Variants in ABL1 observed in about 807,000 individuals in gnomAD.
The protein encoded by ABL1 is tyrosine-protein kinase ABL1.
In ABL1, 11 loss-of-function variants were observed where a neutral mutation model predicts 94.7. The observed-to-expected ratio is 0.12, with a 90% CI of 0.07 to 0.19. The LOEUF is 0.19. ABL1 is among the 10% of genes least tolerant of loss of function. ABL1 has a pLI of 1.00. For synonymous variants in ABL1, 656 were observed against 622.4 expected, an observed-to-expected ratio of 1.05 and a Z score of -0.80; for missense variants, 1,082 against 1,489.4, an observed-to-expected ratio of 0.73 and a Z score of 4.50.
chr9:130,750,463 T>C (rs1831948920), intron 1 of ABL1, among the ~76,000 whole-genome samples: 1 of 118,244 alleles, frequency 8.5e-6, no homozygotes. Flanking sequence ...CTCACTCCCT[T>C]TCTTTTTTGA....
At chr9:130,883,941 G>A (rs775256622) in intron 10 of ABL1, 28 bp from the exon 11 acceptor site, 46 of 1,584,214 alleles carry the variant, frequency 2.9e-5, no homozygotes, top group Non-Finnish European at 3.9e-5. Flanking sequence ...GTTGTCTGGA[G>A]TTGTCAGCTC....
intron 1 of ABL1, among the ~76,000 whole-genome samples, chr9:130,732,592 C>T (rs1190935814): frequency 1.3e-5 from 2 of 152,148 alleles, no homozygotes; most frequent in African/African-American, 4.8e-5. Flanking sequence ...TTATTCCTTT[C>T]TCCAGGTTTC....
chr9:130,868,524 T>C (rs1317193066), intron 4 of ABL1, among the ~76,000 whole-genome samples: 29 of 130,188 alleles, frequency 2.2e-4, no homozygotes, highest in Non-Finnish European at 3.6e-4. Flanking sequence ...CTTTTTCTTT[T>C]TTTTTTTTTT....
At chr9:130,736,893 T>G (rs1432639074) in intron 1 of ABL1, among the ~76,000 whole-genome samples, 1 of 152,242 alleles carries the variant, frequency 6.6e-6, no homozygotes, top group Non-Finnish European at 1.5e-5. Flanking sequence ...GGAAACTATG[T>G]AGGGCCTAGT....
rs143518421 is a variant in ABL1 at position 130,754,914 on chromosome 9, T to C, written c.136+40459T>C. Among the ~76,000 whole-genome samples, 1,222 of 152,234 alleles carry C rather than the reference T, an allele frequency of 8.0e-3. 14 individuals are homozygous for C. Among genetic ancestry groups the C allele is most frequent in the African/African-American group, 0.027 (1,140 of 41,524 alleles). Reference sequence around the variant, plus strand: ...AAGGGCAAAGGGTGTTAGGAATGGCTTGGCTAGGATAGTCAGAGGAGTACG... The same window carrying C: ...AAGGGCAAAGGGTGTTAGGAATGGCCTGGCTAGGATAGTCAGAGGAGTACG... On this transcript the variant is annotated intron_variant, in intron 1 of 10. Transcript: ENST00000372348.
intron 1 of ABL1, among the ~76,000 whole-genome samples, chr9:130,850,034 A>G (rs993368251): frequency 1.3e-5 from 2 of 152,114 alleles, no homozygotes; most frequent in African/African-American, 4.8e-5. Context: ...TCACTTCCTT[A>G]TAAAACATGC....
intron 1 of ABL1, among the ~76,000 whole-genome samples, chr9:130,744,334 G>A (rs2855163): frequency 0.19 from 28,532 of 150,750 alleles, 3,394 homozygotes; most frequent in Middle Eastern, 0.39. Flanking sequence ...GTAGAGATGG[G>A]GTTTCACCGT....
In ABL1 at chr9:130,884,690, C is replaced by T. The variant is rs138792186; in HGVS notation, c.2400C>T (p.Asp800=). 2.5e-6 allele frequency: 4 copies of T among 1,612,712 alleles called. No homozygotes were observed. The highest frequency in any genetic ancestry group is 1.3e-5 in the African/African-American group (1 of 74,936). The change falls in exon 11 of 11, where the codon GAC becomes GAT. Residue 800 remains aspartate, a synonymous_variant. Transcript: ENST00000318560. The surrounding 1 kb of genome is among the most constrained non-coding windows in gnomAD (Gnocchi z 5.6). ...AAGCTGCTGATGAGGTCTTCAAAGA[C>T]ATCATGGAGTCCAGCCCGGGCTCCA... ...NEEAADEVFK[D]IMESSPGSSP...
At chr9:130,714,157 C>T (rs1831406419) in exon 1 of ABL1, 1 of 612,524 alleles carries the variant, frequency 1.6e-6, no homozygotes, top group African/African-American at 1.9e-5. Flanking sequence ...AAAAGTGCTT[C>T]CTTTTGTTAT....
chr9:130,713,398 C>T (rs2058932548), exon 1 of ABL1, among the ~76,000 whole-genome samples: 1 of 152,186 alleles, frequency 6.6e-6, no homozygotes, highest in South Asian at 2.1e-4. Context: ...TCTGTTTCCC[C>T]CAGCTTGGGA....
chr9:130,870,603 C>CA (rs1297605979), intron 4 of ABL1, among the ~76,000 whole-genome samples: 1 of 152,020 alleles, frequency 6.6e-6, no homozygotes, highest in Non-Finnish European at 1.5e-5. Context: ...CACTCCATGC[C>CA]AAAAAACAGC....
At chr9:130,727,398 T>C (rs1475573162) in intron 1 of ABL1, among the ~76,000 whole-genome samples, 2 of 152,162 alleles carry the variant, frequency 1.3e-5, no homozygotes, top group South Asian at 2.1e-4. Context: ...AGAGTGATGC[T>C]GAAGATCAAC....
chr9:130,847,994 T>A (rs1830799507), intron 1 of ABL1, among the ~76,000 whole-genome samples: 1 of 152,174 alleles, frequency 6.6e-6, no homozygotes, highest in South Asian at 2.1e-4. Flanking sequence ...TGCGGCAGAA[T>A]GTTTGATAGA....
At position 130,885,371 on chromosome 9, in the gene ABL1, C is replaced by CA; in HGVS notation, c.3082dup (p.Thr1028AsnfsTer18). 1 of 1,613,706 alleles carries CA rather than the reference C, an allele frequency of 6.2e-7. No homozygotes were observed. Among genetic ancestry groups the CA allele is most frequent in the South Asian group, 1.1e-5 (1 of 91,086 alleles). ...CAGAGCGGATCGCCAGCGGCGCCAT[C>CA]ACCAAGGGCGTGGTCCTGGACAGCA... On this transcript the variant is annotated frameshift_variant, in exon 11 of 11. Transcript: ENST00000318560. LOFTEE classifies it high-confidence loss of function.
chr9:130,880,376 G>A lies in ABL1; in HGVS notation c.1514-124G>A, dbSNP rs898841890. Reference sequence around the variant, plus strand: ...AGGGCTGTTTCTCCGGTATCCACGTGCCTTTTCTTTAGTTGTATGCAGATG... The same window carrying A: ...AGGGCTGTTTCTCCGGTATCCACGTACCTTTTCTTTAGTTGTATGCAGATG... On this transcript the variant is annotated intron_variant, in intron 9 of 10. Transcript: ENST00000318560. This position sits in a 1 kb window ranked among gnomAD's most constrained non-coding sequence, Gnocchi z 4.4. 11 of 1,224,912 alleles carry A rather than the reference G, an allele frequency of 9.0e-6. No individual in the cohort carries two copies. The African/African-American group carries it at 1.1e-4, about 12-fold the overall frequency. 75.9% of individuals were successfully genotyped at this position (1,224,912 alleles called of 1,614,324 possible).
In ABL1 at chr9:130,887,488, T is replaced by C. The variant is rs924946145; in HGVS notation, c.*1805T>C. 1 of 233,426 alleles carries C rather than the reference T, an allele frequency of 4.3e-6. No homozygotes were observed. Among genetic ancestry groups the C allele is most frequent in the Non-Finnish European group, 8.5e-6 (1 of 117,900 alleles). The allele number at this position is 233,426 out of a possible 1,614,324, so 14.5% of individuals were successfully genotyped here. ...CGTATCTCTTGGTATGCATCTTTTA[T>C]AGACGCTCTTTTCTAAGTGGCGTGT... On this transcript the variant is annotated 3_prime_UTR_variant, in exon 11 of 11. Coordinates refer to ENST00000318560, the MANE Select transcript of ABL1 (RefSeq NM_005157.6).
rs1229072821 is a variant in ABL1 at position 130,862,857 on chromosome 9, A to T, written c.644A>T (p.Tyr215Phe). 6 of 1,613,794 alleles carry T rather than the reference A, an allele frequency of 3.7e-6. No individual in the cohort carries two copies. The East Asian group carries it at 1.3e-4, about 36-fold the overall frequency. Residue 215 changes from tyrosine to phenylalanine, a missense_variant, in exon 4 of 11, where the codon TAT becomes TTT. Around this residue, in one of 7 missense-constraint regions of ABL1, gnomAD observed 92 missense variants for 212.3 expected, o/e 0.43. Coordinates refer to ENST00000318560, the MANE Select transcript of ABL1 (RefSeq NM_005157.6). This position sits in a 1 kb window ranked among gnomAD's most constrained non-coding sequence, Gnocchi z 5.5. ...VADGLITTLH[Y>F]PAPKRNKPTV... ...GACGGGCTCATCACCACGCTCCATT[A>T]TCCAGCCCCAAAGCGCAACAAGCCC...
intron 1 of ABL1, among the ~76,000 whole-genome samples, chr9:130,852,832 T>C (rs1830893733): frequency 6.6e-6 from 1 of 152,236 alleles, no homozygotes; most frequent in Non-Finnish European, 1.5e-5. Flanking sequence ...GTAACAGTTT[T>C]TTCTATTCTG....
chr9:130,784,390 A>C (rs1445973998), intron 1 of ABL1, among the ~76,000 whole-genome samples: 1 of 152,236 alleles, frequency 6.6e-6, no homozygotes, highest in East Asian at 1.9e-4. Flanking sequence ...AAAATCACCA[A>C]TCTGTCTTCC....
Sources: gnomAD v4.1 joint callset for allele counts (sites outside exome capture counted in the v4.1 genomes callset) on GRCh38, gnomAD v4.1.1 for gene constraint, gnomAD v4.1.1 regional missense constraint, Gnocchi (gnomAD v3.1) non-coding constraint, MANE v1.5 for transcripts, NCBI Gene and HGNC (gene_info 2026-07-23, HGNC 2026-07-21) for gene names.